The following GALNT13 variants were observed in gnomAD, a reference collection of about 807,000 sequenced individuals.
GALNT13 encodes the protein polypeptide N-acetylgalactosaminyltransferase 13, also known as UDP-GalNAc:polypeptide N-acetylgalactosaminyltransferase 13.
Under a neutral mutation model 64.2 loss-of-function variants are expected in GALNT13, and 28 were observed. The ratio of observed to expected loss-of-function variants is 0.44; its 90% CI spans 0.32 to 0.60. The LOEUF (loss-of-function observed/expected upper bound fraction) is 0.60. GALNT13 is among the 20% of genes least tolerant of loss of function. GALNT13 has a pLI of 0.05. For synonymous variants in GALNT13, 214 were observed against 224.6 expected (o/e 0.95, Z 0.42); for missense variants, 577 against 669.8 (o/e 0.86, Z 1.53).
At chr2:154,108,945 G>T (rs915740848) in intron 3 of GALNT13, among the ~76,000 whole-genome samples, 1 of 151,956 alleles carries the variant, frequency 6.6e-6, no homozygotes, top group Non-Finnish European at 1.5e-5. Flanking sequence ...TAGCTCTGTG[G>T]TATACAGAAG....
At chr2:154,252,446 T>C (rs1690122288) in intron 7 of GALNT13, among the ~76,000 whole-genome samples, 2 of 151,496 alleles carry the variant, frequency 1.3e-5, no homozygotes, top group Admixed American at 1.3e-4. Context: ...AAGCTCCGCC[T>C]CCCGGATTCA....
At chr2:153,672,328 A>G in the GALNT13 span, among the ~76,000 whole-genome samples, 3 of 152,218 alleles carry the variant, frequency 2.0e-5, no homozygotes, top group African/African-American at 7.2e-5. Flanking sequence ...CAAATGTAAA[A>G]GAACAGAAAT....
chr2:154,267,346 T>C (rs1302290184), intron 8 of GALNT13, among the ~76,000 whole-genome samples: 1 of 152,024 alleles, frequency 6.6e-6, no homozygotes. Context: ...ATTTAAAAAC[T>C]TGTGCTTTTC....
the GALNT13 span, among the ~76,000 whole-genome samples, chr2:153,435,804 T>A: frequency 6.6e-6 from 1 of 152,092 alleles, no homozygotes; most frequent in Admixed American, 6.6e-5. Context: ...CTTTTCCTAA[T>A]TGAATACCCT....
the GALNT13 span, among the ~76,000 whole-genome samples, chr2:153,126,478 A>G: frequency 6.6e-6 from 1 of 151,816 alleles, no homozygotes; most frequent in East Asian, 1.9e-4. Flanking sequence ...AACCCTAAAA[A>G]TAGGCTTAAA....
rs184348790 is a variant in GALNT13 at position 154,321,396 on chromosome 2, T to G, written c.1156+19807T>G. The stretch of plus-strand genomic sequence containing the variant: ...TCAATGAATTGCATTCTACCATCTT[T>G]TAAAAATGCAATTTATTTGAATATA... On this transcript the variant is annotated intron_variant, in intron 9 of 12. Transcript: ENST00000392825. Among the ~76,000 whole-genome samples the G allele has an allele frequency of 3.9e-5, 6 of 152,298 alleles. No individual in the cohort carries two copies. In the East Asian group the frequency reaches 1.2e-3, roughly 29 times the overall value.
At chr2:153,926,567 C>T (rs1690150516) in intron 2 of GALNT13, among the ~76,000 whole-genome samples, 1 of 152,102 alleles carries the variant, frequency 6.6e-6, no homozygotes, top group Admixed American at 6.6e-5. Flanking sequence ...GACTGTAATA[C>T]TAGAGACTAG....
intron 8 of GALNT13, among the ~76,000 whole-genome samples, chr2:154,298,797 T>A (rs1160863345): frequency 0.14 from 654 of 4,818 alleles, 129 homozygotes; most frequent in East Asian, 0.25. Context: ...TTATATTATT[T>A]ATATATAAAT....
intron 4 of GALNT13, among the ~76,000 whole-genome samples, chr2:154,176,577 T>G (rs2105717171): frequency 6.6e-6 from 1 of 152,220 alleles, no homozygotes; most frequent in African/African-American, 2.4e-5. Flanking sequence ...AATTAATAAA[T>G]ATTCATTTTA....
At chr2:153,332,357 T>A in the GALNT13 span, among the ~76,000 whole-genome samples, 1 of 152,286 alleles carries the variant, frequency 6.6e-6, no homozygotes, top group South Asian at 2.1e-4. Context: ...ATCCCAGATA[T>A]TGTGATATGC....
chr2:153,368,545 T>C, the GALNT13 span, among the ~76,000 whole-genome samples: 38 of 152,120 alleles, frequency 2.5e-4, 2 homozygotes, highest in Non-Finnish European at 1.5e-5. Flanking sequence ...GGACAAAGGA[T>C]ACCTCAGAAC....
intron 2 of GALNT13, among the ~76,000 whole-genome samples, chr2:153,902,420 C>G (rs574589215): frequency 2.6e-5 from 4 of 152,014 alleles, no homozygotes; most frequent in East Asian, 1.9e-4. Flanking sequence ...TTAGTAAGGA[C>G]TAGAGTAAGT....
chr2:153,718,266 A>G, the GALNT13 span, among the ~76,000 whole-genome samples: 3 of 152,096 alleles, frequency 2.0e-5, no homozygotes, highest in Admixed American at 1.3e-4. Flanking sequence ...AAACACAGAA[A>G]ACAAACAAAC....
chr2:153,770,281 C>A, the GALNT13 span, among the ~76,000 whole-genome samples: 1 of 151,208 alleles, frequency 6.6e-6, no homozygotes, highest in Non-Finnish European at 1.5e-5. Context: ...GTGGAGGTGG[C>A]TATAATGTAT....
At chr2:154,368,997 AGTTGTT>A (rs60292131) in intron 9 of GALNT13, among the ~76,000 whole-genome samples, 2 of 150,668 alleles carry the variant, frequency 1.3e-5, no homozygotes, top group African/African-American at 2.4e-5. Context: ...GAAGACACCG[AGTTGTT>A]GTTGTTGTTG....
At chr2:154,181,277 G>A (rs1040467474) in intron 4 of GALNT13, among the ~76,000 whole-genome samples, 1 of 152,046 alleles carries the variant, frequency 6.6e-6, no homozygotes, top group African/African-American at 2.4e-5. Context: ...ACTAGGATGA[G>A]AATTTAGAAG....
chr2:154,270,665 G>A (rs1691304531), intron 8 of GALNT13, among the ~76,000 whole-genome samples: 1 of 151,854 alleles, frequency 6.6e-6, no homozygotes, highest in Non-Finnish European at 1.5e-5. Context: ...ATTCCTGACA[G>A]CTAAAGTGAA....
At chr2:153,125,421 C>T in the GALNT13 span, among the ~76,000 whole-genome samples, 1 of 152,174 alleles carries the variant, frequency 6.6e-6, no homozygotes, top group Non-Finnish European at 1.5e-5. Flanking sequence ...GTCTTTTATA[C>T]AATCAATGGG....
chr2:153,229,232 C>A, the GALNT13 span, among the ~76,000 whole-genome samples: 1 of 152,134 alleles, frequency 6.6e-6, no homozygotes, highest in Non-Finnish European at 1.5e-5. Context: ...ACTCTCTCAC[C>A]TTTTTTCTTC....
Sources: gnomAD v4.1 joint callset for allele counts (sites outside exome capture counted in the v4.1 genomes callset) on GRCh38, gnomAD v4.1.1 for gene constraint, MANE v1.5 for transcripts, NCBI Gene and HGNC (gene_info 2026-07-23, HGNC 2026-07-21) for gene names.